The following NT5C2 variants were observed in gnomAD, a reference collection of about 807,000 sequenced individuals.
The protein encoded by NT5C2 is 5'-nucleotidase, cytosolic II, also known as cytosolic purine 5'-nucleotidase.
A neutral mutation model predicts 76.1 loss-of-function variants in NT5C2; 58 were observed. That is an observed-to-expected ratio of 0.76 (90% CI 0.62 to 0.95). The LOEUF is 0.95. Ranked by LOEUF, NT5C2 falls within the 40% of genes least tolerant of loss-of-function variation. NT5C2 has a pLI of 0.00. For missense variants in NT5C2, 478 were observed against 690.3 expected (o/e 0.69, Z 3.45); for synonymous variants, 229 against 237.4 (o/e 0.96, Z 0.32).
chr10:103,117,589 G>T (rs1378012454), intron 4 of NT5C2, among the ~76,000 whole-genome samples: 1 of 152,196 alleles, frequency 6.6e-6, no homozygotes, highest in African/African-American at 2.4e-5. Context: ...CAAGGTTATA[G>T]TAAACTACAA....
In NT5C2 at chr10:103,098,895, C is replaced by G. The variant is rs756165530; in HGVS notation, c.687+36G>C. 6.6e-6 allele frequency: 9 copies of G among 1,369,790 alleles called. No individual in the cohort carries two copies. The South Asian group carries it at 9.8e-5, about 15-fold the overall frequency. 84.9% of individuals were successfully genotyped at this position (1,369,790 alleles called of 1,614,324 possible). On this transcript the variant is annotated intron_variant, in intron 10 of 18. Transcript: ENST00000404739. Reference sequence around the variant, plus strand: ...TAATTTCCCTAATAGGTAAAATGAGCTATTATGCAGATCTATTTTCCCCTA... The same window carrying G: ...TAATTTCCCTAATAGGTAAAATGAGGTATTATGCAGATCTATTTTCCCCTA...
At chr10:103,191,798 A>C in intron 1 of NT5C2, among the ~76,000 whole-genome samples, 1 of 151,884 alleles carries the variant, frequency 6.6e-6, no homozygotes, top group East Asian at 1.9e-4. Flanking sequence ...GGTCAATGAG[A>C]GTAATGCAGC....
chr10:103,116,682 C>T, intron 4 of NT5C2, among the ~76,000 whole-genome samples: 1 of 150,148 alleles, frequency 6.7e-6, no homozygotes, highest in Non-Finnish European at 1.5e-5. Flanking sequence ...CAATCCTCCT[C>T]CTCAGCCTCA....
At chr10:103,189,997 C>CT (rs1239145078) in intron 1 of NT5C2, among the ~76,000 whole-genome samples, 37,101 of 107,788 alleles carry the variant, frequency 0.34, 7,771 homozygotes, top group African/African-American at 0.46. Context: ...TTGTGGCTTT[C>CT]TTTTTTTTTT....
intron 4 of NT5C2, among the ~76,000 whole-genome samples, chr10:103,136,201 C>A (rs1171553656): frequency 6.6e-6 from 1 of 152,212 alleles, no homozygotes; most frequent in Non-Finnish European, 1.5e-5. Context: ...TCTCGATAAA[C>A]TGTCATTATC....
chr10:103,173,118 G>T (rs1335833160), intron 3 of NT5C2, among the ~76,000 whole-genome samples: 8 of 152,024 alleles, frequency 5.3e-5, no homozygotes, highest in Non-Finnish European at 1.0e-4. Context: ...CAAAGTGCTG[G>T]GATTACAGAT....
chr10:103,088,939 T>TTGCAGCTAAATTCTTTCTATAGATTTA lies in NT5C2; in HGVS notation c.*706_*732dup, dbSNP rs1209540283. On this transcript the variant is annotated 3_prime_UTR_variant, in exon 19 of 19. Transcript: ENST00000404739. ...TCTGGGGGCTTGTTCCTTTGTCCAC[T>TTGCAGCTAAATTCTTTCTATAGATTTA]TGCAGCTAAATTCTTTCTATAGATT... is the stretch of plus-strand genomic sequence containing the variant. 1.4e-5 allele frequency: 3 copies of TTGCAGCTAAATTCTTTCTATAGATTTA among 212,118 alleles called. No homozygotes were observed. The highest frequency in any genetic ancestry group is 2.3e-5 in the African/African-American group (1 of 44,156). The allele number at this position is 212,118 out of a possible 1,614,324, so 13.1% of individuals were successfully genotyped here.
chr10:103,133,357 T>C (rs1029044408), intron 4 of NT5C2, among the ~76,000 whole-genome samples: 3 of 152,016 alleles, frequency 2.0e-5, no homozygotes, highest in Non-Finnish European at 1.5e-5. Context: ...AATCTCCACC[T>C]CCCGGGTTCA....
chr10:103,118,361 CTTTTTTT>C (rs35763505), intron 4 of NT5C2, among the ~76,000 whole-genome samples: 1 of 137,792 alleles, frequency 7.3e-6, no homozygotes, highest in Non-Finnish European at 1.6e-5. Flanking sequence ...ATTTCTTTTC[CTTTTTTT>C]TTTTTTTTGG....
intron 1 of NT5C2, among the ~76,000 whole-genome samples, chr10:103,184,845 T>C (rs2091808022): frequency 6.6e-6 from 1 of 152,210 alleles, no homozygotes; most frequent in Non-Finnish European, 1.5e-5. Context: ...ATAACAAAGT[T>C]GAGAAGAGAG....
At chr10:103,117,170 A>G (rs1178426467) in intron 4 of NT5C2, among the ~76,000 whole-genome samples, 1 of 152,236 alleles carries the variant, frequency 6.6e-6, no homozygotes, top group Admixed American at 6.5e-5. Flanking sequence ...CTAACGATCA[A>G]TGGATTTGCT....
chr10:103,103,374 G>GT (rs2070321677), intron 6 of NT5C2, among the ~76,000 whole-genome samples: 1 of 152,132 alleles, frequency 6.6e-6, no homozygotes, highest in African/African-American at 2.4e-5. Context: ...AAGGTGGAAG[G>GT]TAACAGTAAA....
rs117747767 is a variant in NT5C2 at position 103,158,063 on chromosome 10, C to T, written c.101+16795G>A. Reference sequence around the variant, plus strand: ...ACTCCAGCATGACAACAGAGCGAGACTCCATCTCAAAAAGAAAAAAAAAAA... The same window carrying T: ...ACTCCAGCATGACAACAGAGCGAGATTCCATCTCAAAAAGAAAAAAAAAAA... On this transcript the variant is annotated intron_variant, in intron 3 of 18. Coordinates refer to ENST00000404739, the MANE Select transcript of NT5C2 (RefSeq NM_001351169.2). Among the ~76,000 whole-genome samples the T allele has an allele frequency of 4.1e-3, 615 of 149,996 alleles. 20 individuals are homozygous for T. The East Asian group carries it at 0.073, about 18-fold the overall frequency.
intron 14 of NT5C2, 48 bp downstream of exon 14, chr10:103,093,924 T>G (rs1351011144): frequency 2.2e-6 from 3 of 1,388,192 alleles, no homozygotes; most frequent in Non-Finnish European, 3.1e-6. Flanking sequence ...AAGCTTTCAC[T>G]GTGAGGTCTG....
intron 1 of NT5C2, among the ~76,000 whole-genome samples, chr10:103,183,291 A>ATATATATATATG: frequency 7.8e-6 from 1 of 128,132 alleles, no homozygotes; most frequent in South Asian, 2.6e-4. Context: ...ATATATATAT[A>ATATATATATATG]TATCACACAC....
intron 4 of NT5C2, among the ~76,000 whole-genome samples, chr10:103,129,945 C>CT (rs1288606727): frequency 7.3e-6 from 1 of 137,676 alleles, no homozygotes; most frequent in Non-Finnish European, 1.6e-5. Flanking sequence ...GGTCAGCCCC[C>CT]CCGCCCGGCC....
chr10:103,094,513 A>G, intron 12 of NT5C2, 58 bp from the exon 13 acceptor site: 2 of 848,310 alleles, frequency 2.4e-6, no homozygotes, highest in Non-Finnish European at 4.1e-6. Flanking sequence ...AGGCATTACT[A>G]TTTAATCTCA....
At position 103,107,475 on chromosome 10, in the gene NT5C2, G is replaced by C. The variant is rs571979515; in HGVS notation, c.176-769C>G. Among the ~76,000 whole-genome samples, 114 of 152,174 alleles carry C rather than the reference G, an allele frequency of 7.5e-4. 1 individual carries two copies. The highest frequency in any genetic ancestry group is 2.7e-3 in the African/African-American group (111 of 41,516). ...AGATCACTTGAGGTGAAGAGTTCGA[G>C]ACCAGCCTGACCAACATGGTGAAAC... On this transcript the variant is annotated intron_variant, in intron 4 of 18. Transcript: ENST00000404739.
At position 103,151,932 on chromosome 10, in the gene NT5C2, T is replaced by TA. The variant is rs1007977596; in HGVS notation, c.102-12454dup. Among the ~76,000 whole-genome samples the TA allele has an allele frequency of 1.7e-4, 25 of 149,442 alleles. No individual in the cohort carries two copies. The East Asian group carries it at 2.1e-3, about 13-fold the overall frequency. On this transcript the variant is annotated intron_variant, in intron 3 of 18. Transcript: ENST00000404739. ...CTCCAGAGGCTCCTAGAGATAAACC[T>TA]AAAAAAAAAATCTGCCGTTACAGTG...
Sources: gnomAD v4.1 joint callset for allele counts (sites outside exome capture counted in the v4.1 genomes callset) on GRCh38, gnomAD v4.1.1 for gene constraint, MANE v1.5 for transcripts, NCBI Gene and HGNC (gene_info 2026-07-23, HGNC 2026-07-21) for gene names.